RBM26: variants seen among roughly 807,000 people sequenced by gnomAD.
RBM26 encodes RNA binding motif protein 26.
RBM26 carries 30 observed loss-of-function variants against 123.6 expected under a neutral mutation model. The observed-to-expected ratio is 0.24, with a 90% CI of 0.18 to 0.33. The LOEUF (loss-of-function observed/expected upper bound fraction) is 0.33, where lower values mean the gene tolerates loss of function less well. Among genes scored for constraint, RBM26 ranks in the 10% least tolerant of loss-of-function variants. The pLI, the probability that RBM26 is intolerant of heterozygous loss-of-function variation, is 1.00. For missense variants in RBM26, 947 were observed against 1,203.6 expected, an observed-to-expected ratio of 0.79 and a Z score of 3.15; for synonymous variants, 400 against 404.4, an observed-to-expected ratio of 0.99 and a Z score of 0.13.
intron 20 of RBM26, among the ~76,000 whole-genome samples, chr13:79,332,880 T>C (rs2069664767): frequency 6.6e-6 from 1 of 152,208 alleles, no homozygotes; most frequent in African/African-American, 2.4e-5. Flanking sequence ...GAGGTTTTAA[T>C]TTTTTCTCAG....
At chr13:79,382,372 C>A (rs2077131685) in intron 1 of RBM26, among the ~76,000 whole-genome samples, 1 of 152,082 alleles carries the variant, frequency 6.6e-6, no homozygotes, top group Non-Finnish European at 1.5e-5. Flanking sequence ...CTGCTATATA[C>A]TGCTAGCATC....
chr13:79,344,817 T>A lies in RBM26; in HGVS notation c.2059-23A>T, dbSNP rs373475896. 2.5e-6 allele frequency: 4 copies of A among 1,605,104 alleles called. No homozygotes were observed. The African/African-American group carries it at 4.0e-5, about 16-fold the overall frequency. On this transcript the variant is annotated intron_variant, in intron 14 of 21. Transcript: ENST00000438737. The stretch of plus-strand genomic sequence containing the variant: ...CACCTACCAATACAAATTCAACTTT[T>A]AAAAATATATATCAGCCGTTCATGA...
intron 9 of RBM26, among the ~76,000 whole-genome samples, chr13:79,364,446 T>C (rs2075046029): frequency 6.6e-6 from 1 of 152,212 alleles, no homozygotes; most frequent in Non-Finnish European, 1.5e-5. Flanking sequence ...ATTTTTTAAT[T>C]CTGACTAGGT....
In RBM26 at chr13:79,319,949, CTTTTTTTTT is replaced by C. The variant is rs56071300; in HGVS notation, c.*663_*671del. ...TTTAAATCAAGGAACATTGTCTTGG[CTTTTTTTTT>C]TTTTTTTTTTTTGTCATTGCTTTTC... is the stretch of plus-strand genomic sequence containing the variant. On this transcript the variant is annotated 3_prime_UTR_variant, in exon 22 of 22. Transcript: ENST00000438737. 142 of 116,098 alleles carry C rather than the reference CTTTTTTTTT, an allele frequency of 1.2e-3. 1 individual carries two copies. The highest frequency in any genetic ancestry group is 1.3e-3 in the Non-Finnish European group (135 of 104,538). The allele number at this position is 116,098 out of a possible 1,614,324, so 7.2% of individuals were successfully genotyped here.
At position 79,371,115 on chromosome 13, in the gene RBM26, T is replaced by C. The variant is rs902554834; in HGVS notation, c.464A>G (p.Tyr155Cys). Residue 155 changes from tyrosine (Y) to cysteine (C), a missense_variant, in exon 5 of 22, where the codon TAT becomes TGT. Tyr to Cys is a radical substitution (Grantham distance 194). Transcript: ENST00000438737. ...ATCTCTTCGAGGAGGGTTTCGATCA[T>C]AATCTCTTTTGCGAGAACGATCATC... The part of the protein sequence containing the change: ...KKDDRSRKRD[Y>C]DRNPPRRDSY... 1.1e-5 allele frequency: 18 copies of C among 1,614,166 alleles called. No individual in the cohort carries two copies. The highest frequency in any genetic ancestry group is 1.1e-5 in the Non-Finnish European group (13 of 1,180,020).
intron 9 of RBM26, among the ~76,000 whole-genome samples, chr13:79,364,454 G>A (rs2139820575): frequency 6.6e-6 from 1 of 152,182 alleles, no homozygotes; most frequent in East Asian, 1.9e-4. Flanking sequence ...ATTCTGACTA[G>A]GTAAGACAAG....
chr13:79,368,229 T>C (rs756961407), intron 6 of RBM26, among the ~76,000 whole-genome samples: 32 of 152,174 alleles, frequency 2.1e-4, no homozygotes, highest in Admixed American at 1.2e-3. Flanking sequence ...TTGCATACCA[T>C]GTTAGCCAGG....
chr13:79,371,103 G>C lies in RBM26; in HGVS notation c.476C>G (p.Pro159Arg), dbSNP rs2075831704. ...GTCTCTGTATGAATCTCTTCGAGGA[G>C]GGTTTCGATCATAATCTCTTTTGCG... ...RSRKRDYDRN[P>R]PRRDSYRDRY... The change falls in exon 5 of 22, where the codon CCT becomes CGT. Residue 159 changes from proline (P) to arginine (R), a missense_variant. Around this residue, in one of 5 missense-constraint regions of RBM26, gnomAD observed 275 missense variants for 361.0 expected, o/e 0.76. Coordinates refer to ENST00000438737, the MANE Select transcript of RBM26 (RefSeq NM_001366735.2). 6.2e-7 allele frequency: 1 copy of C among 1,613,976 alleles called. No individual in the cohort carries two copies.
At chr13:79,393,756 C>T (rs1357853376) in intron 1 of RBM26, among the ~76,000 whole-genome samples, 2 of 152,148 alleles carry the variant, frequency 1.3e-5, no homozygotes, top group Non-Finnish European at 2.9e-5. Flanking sequence ...GGGGTCTGCA[C>T]CGAGTGGACC....
downstream of RBM26, chr13:79,318,824 T>C (rs983772748): frequency 6.1e-6 from 6 of 982,200 alleles, no homozygotes; most frequent in South Asian, 4.7e-5. Context: ...GTAATACCTG[T>C]TTGGTGTAAA....
chr13:79,400,746 C>G (rs1192351794), intron 1 of RBM26, among the ~76,000 whole-genome samples: 2 of 152,174 alleles, frequency 1.3e-5, no homozygotes, highest in Admixed American at 1.3e-4. Flanking sequence ...GGCATCAACA[C>G]TGATGTTATA....
At chr13:79,380,188 C>T (rs2076973648) in intron 1 of RBM26, among the ~76,000 whole-genome samples, 1 of 152,056 alleles carries the variant, frequency 6.6e-6, no homozygotes, top group Non-Finnish European at 1.5e-5. Context: ...CAAAAATGTG[C>T]ACATGTCCAT....
chr13:79,313,869 G>A (rs538934877), downstream of RBM26: 85 of 107,194 alleles, frequency 7.9e-4, no homozygotes, highest in African/African-American at 3.3e-3. Context: ...GTTAAGCTTT[G>A]CACCAAAAAA....
rs779333884 is a variant in RBM26, at chr13:79,369,898, T to A, written c.635-908A>T. Among the ~76,000 whole-genome samples the A allele has an allele frequency of 4.5e-4, 69 of 152,324 alleles. 1 individual carries two copies. The highest frequency in any genetic ancestry group is 3.4e-3 in the Middle Eastern group (1 of 294). On this transcript the variant is annotated intron_variant, in intron 5 of 21. Coordinates refer to ENST00000438737, the MANE Select transcript of RBM26 (RefSeq NM_001366735.2). The stretch of plus-strand genomic sequence containing the variant: ...ATACCACAAATAAATGATGTACATA[T>A]TCATCACTTCCAAAAGAATCCTCAT...
intron 16 of RBM26, among the ~76,000 whole-genome samples, chr13:79,343,726 A>C (rs2071817896): frequency 6.6e-6 from 1 of 151,926 alleles, no homozygotes; most frequent in Admixed American, 6.6e-5. Flanking sequence ...GCTTAACCTA[A>C]TATATCCAAA....
chr13:79,366,964 G>T (rs2075321501), intron 6 of RBM26, 92 bp from the exon 7 acceptor site: 7 of 1,087,670 alleles, frequency 6.4e-6, no homozygotes, highest in Non-Finnish European at 8.9e-6. Context: ...TTAAAAATAT[G>T]AATATTTTTA....
At chr13:79,355,806 T>C (rs901206632) in intron 11 of RBM26, among the ~76,000 whole-genome samples, 6 of 151,976 alleles carry the variant, frequency 3.9e-5, no homozygotes, top group African/African-American at 1.2e-4. Flanking sequence ...TCTGAACAAT[T>C]GCCCAAATTT....
intron 20 of RBM26, among the ~76,000 whole-genome samples, chr13:79,333,978 C>A (rs1463722433): frequency 6.6e-6 from 1 of 152,038 alleles, no homozygotes; most frequent in East Asian, 1.9e-4. Context: ...TGTACCTTAT[C>A]CCTCACCACT....
In RBM26 at chr13:79,320,166, A is replaced by G. The variant is rs909782155; in HGVS notation, c.*455T>C. On this transcript the variant is annotated 3_prime_UTR_variant, in exon 22 of 22. Coordinates refer to ENST00000438737, the MANE Select transcript of RBM26 (RefSeq NM_001366735.2). ...CCTAAGCATACTACTATGTAATATT[A>G]TAATACATAACTTGGAGACTTTAGT... 3.2e-5 allele frequency: 31 copies of G among 956,172 alleles called. No homozygotes were observed. The highest frequency in any genetic ancestry group is 3.6e-5 in the Non-Finnish European group (29 of 803,010). 59.2% of individuals were successfully genotyped at this position (956,172 alleles called of 1,614,324 possible).
Sources: allele counts gnomAD v4.1 joint callset (sites outside exome capture counted in the v4.1 genomes callset), GRCh38; gene constraint gnomAD v4.1.1; regional missense constraint gnomAD v4.1.1; transcripts MANE v1.5; gene names NCBI Gene and HGNC (gene_info 2026-07-23, HGNC 2026-07-21).